GPR61: variants seen among roughly 807,000 people sequenced by gnomAD.
The protein encoded by GPR61 is G-protein coupled receptor 61.
Under a neutral mutation model 29.2 loss-of-function variants are expected in GPR61, and 15 were observed. The observed-to-expected ratio is 0.51, with a 90% CI of 0.34 to 0.79. The LOEUF (loss-of-function observed/expected upper bound fraction) is 0.79. Ranked by LOEUF, GPR61 falls within the 30% of genes least tolerant of loss-of-function variation. The probability of loss-of-function intolerance (pLI) is 0.01; values close to 1 mark genes in which losing one functional copy is unlikely to be tolerated. For missense variants in GPR61, 399 were observed against 582.5 expected, an observed-to-expected ratio of 0.69 and a Z score of 3.24; for synonymous variants, 238 against 242.3, an observed-to-expected ratio of 0.98 and a Z score of 0.17.
Position 109,543,859 on chromosome 1 carries a change from G to A in GPR61, c.837G>A (p.Thr279=), listed in dbSNP as rs143667110. ...CCCCCCAGACCACCCCACACCGGAC[G>A]TTTGGGGGAGGGAAAGCAGCAGTGG... ...SGAPQTTPHR[T]FGGGKAAVVL... The change falls in exon 2 of 2, where the codon ACG becomes ACA. Residue 279 remains threonine (T), a synonymous_variant. Transcript: ENST00000527748. The surrounding 1 kb of genome is among the most constrained non-coding windows in gnomAD (Gnocchi z 6.8). 41 of 1,613,302 alleles carry A rather than the reference G, an allele frequency of 2.5e-5. No individual in the cohort carries two copies. The highest frequency in any genetic ancestry group is 1.6e-4 in the Middle Eastern group (1 of 6,062).
Position 109,543,076 on chromosome 1 carries a change from G to C in GPR61, c.54G>C (p.Arg18Ser). 6.4e-7 allele frequency: 1 copy of C among 1,557,386 alleles called. No individual in the cohort carries two copies. The highest frequency in any genetic ancestry group is 8.7e-7 in the Non-Finnish European group (1 of 1,149,996). ...QSSGNSSTLGRVPQTPGPSTA... is the reference protein window; with the variant it reads ...QSSGNSSTLGSVPQTPGPSTA... ...CAGGGAACTCTTCCACTTTGGGGAGGGTCCCTCAAACCCCAGGTCCCTCTA... is the reference window on the plus strand; with the variant it reads ...CAGGGAACTCTTCCACTTTGGGGAGCGTCCCTCAAACCCCAGGTCCCTCTA... Residue 18 changes from arginine (R) to serine (S), a missense_variant, in exon 2 of 2, where the codon AGG (arginine) becomes AGC (serine). By Grantham distance (110) the Arg-to-Ser change is moderately radical (BLOSUM62 -1). Coordinates refer to ENST00000527748, the MANE Select transcript of GPR61 (RefSeq NM_001393907.1). The surrounding 1 kb of genome is among the most constrained non-coding windows in gnomAD (Gnocchi z 6.8).
rs763051414 is a variant in GPR61 at position 109,543,628 on chromosome 1, T to C, written c.606T>C (p.Ser202=). ...PPGCSLQWSH[S]AYCQLFVVVF... Reference sequence around the variant, plus strand: ...GCTGTTCACTCCAGTGGAGCCACAGTGCCTACTGCCAGCTTTTTGTGGTGG... The same window carrying C: ...GCTGTTCACTCCAGTGGAGCCACAGCGCCTACTGCCAGCTTTTTGTGGTGG... The change falls in exon 2 of 2, where the codon AGT becomes AGC. Residue 202 remains serine (S), a synonymous_variant. Coordinates refer to ENST00000527748, the MANE Select transcript of GPR61 (RefSeq NM_001393907.1). This position sits in a 1 kb window ranked among gnomAD's most constrained non-coding sequence, Gnocchi z 6.8. 6.2e-7 allele frequency: 1 copy of C among 1,614,136 alleles called. No individual in the cohort carries two copies.
rs1198297711 is a variant in GPR61 at position 109,545,258 on chromosome 1, G to A, written c.*880G>A. 6.6e-6 allele frequency: 1 copy of A among 152,182 alleles called. No homozygotes were observed. The highest frequency in any genetic ancestry group is 1.5e-5 in the Non-Finnish European group (1 of 68,018). The allele number at this position is 152,182 out of a possible 1,614,324, so 9.4% of individuals were successfully genotyped here. The stretch of plus-strand genomic sequence containing the variant: ...TGAATTGGTAAAGTAGCTGGAAACA[G>A]AGAGGCCAGGTAATCAGCCTGATCA... On this transcript the variant is annotated 3_prime_UTR_variant, in exon 2 of 2. Transcript: ENST00000527748.
rs930651956 is a variant in GPR61, at chr1:109,544,949, A to AC, written c.*573dup. The AC allele has an allele frequency of 6.5e-6, 1 of 152,762 alleles. No individual in the cohort carries two copies. Among genetic ancestry groups the AC allele is most frequent in the African/African-American group, 2.4e-5 (1 of 41,442 alleles). 9.5% of individuals were successfully genotyped at this position (152,762 alleles called of 1,614,324 possible). ...CCTGAGATTTCCTTAAAATGAGAGGACCAGTAGGGTGTATTCCTTTACTGA... is the reference window on the plus strand; with the variant it reads ...CCTGAGATTTCCTTAAAATGAGAGGACCCAGTAGGGTGTATTCCTTTACTGA... On this transcript the variant is annotated 3_prime_UTR_variant, in exon 2 of 2. Coordinates refer to ENST00000527748, the MANE Select transcript of GPR61 (RefSeq NM_001393907.1). This position sits in a 1 kb window ranked among gnomAD's most constrained non-coding sequence, Gnocchi z 4.6.
rs1475542959 is a variant in GPR61 at position 109,546,693 on chromosome 1, A to T, written c.*2315A>T. 1 of 152,232 alleles carries T rather than the reference A, an allele frequency of 6.6e-6. No individual in the cohort carries two copies. Among genetic ancestry groups the T allele is most frequent in the African/African-American group, 2.4e-5 (1 of 41,448 alleles). The allele number at this position is 152,232 out of a possible 1,614,324, so 9.4% of individuals were successfully genotyped here. A position where few individuals can be genotyped will look rare whatever the true frequency, so the allele number is the denominator to read the frequency against. On this transcript the variant is annotated 3_prime_UTR_variant, in exon 2 of 2. Transcript: ENST00000527748. ...TGGTGTTTATTACAGAGTTTGACAT[A>T]CATGGGTTCATTTGCCATTTATTTT...
At position 109,542,887 on chromosome 1, in the gene GPR61, C is replaced by A; in HGVS notation, c.-136C>A. ...GGCGCTCTGTACGCAGACAAACCTGCCCAAGAGGCTCCAGTGGGAGGTGCC... is the reference window on the plus strand; with the variant it reads ...GGCGCTCTGTACGCAGACAAACCTGACCAAGAGGCTCCAGTGGGAGGTGCC... On this transcript the variant is annotated 5_prime_UTR_variant, in exon 2 of 2. Coordinates refer to ENST00000527748, the MANE Select transcript of GPR61 (RefSeq NM_001393907.1). The A allele has an allele frequency of 7.9e-7, 1 of 1,261,934 alleles. No homozygotes were observed. Among genetic ancestry groups the A allele is most frequent in the Non-Finnish European group, 1.1e-6 (1 of 889,158 alleles). The allele number at this position is 1,261,934 out of a possible 1,614,324, so 78.2% of individuals were successfully genotyped here.
chr1:109,546,291 T>C lies in GPR61; in HGVS notation c.*1913T>C, dbSNP rs1432550342. ...GGAAGTTCCCTAAAAACATAGTATA[T>C]ATAGGGAGGAGAGTCCTTTGTGATT... On this transcript the variant is annotated 3_prime_UTR_variant, in exon 2 of 2. Transcript: ENST00000527748. The C allele has an allele frequency of 1.3e-5, 2 of 152,224 alleles. No individual in the cohort carries two copies. Among genetic ancestry groups the C allele is most frequent in the African/African-American group, 4.8e-5 (2 of 41,454 alleles). The allele number at this position is 152,224 out of a possible 1,614,324, so 9.4% of individuals were successfully genotyped here.
In GPR61 at chr1:109,547,059, C is replaced by T. The variant is rs1022048656; in HGVS notation, c.*2681C>T. 2.6e-5 allele frequency: 4 copies of T among 152,232 alleles called. No homozygotes were observed. Among genetic ancestry groups the T allele is most frequent in the Admixed American group, 2.6e-4 (4 of 15,282 alleles). The allele number at this position is 152,232 out of a possible 1,614,324, so 9.4% of individuals were successfully genotyped here. ...ACGGGGGCATGATAGAAAAGGGTAA[C>T]TCTGGGGTCAGATAGATGTACTTAC... On this transcript the variant is annotated 3_prime_UTR_variant, in exon 2 of 2. Transcript: ENST00000527748.
chr1:109,544,505 T>A lies in GPR61; in HGVS notation c.*127T>A. The A allele has an allele frequency of 1.5e-6, 1 of 685,490 alleles. No individual in the cohort carries two copies. Among genetic ancestry groups the A allele is most frequent in the Non-Finnish European group, 2.5e-6 (1 of 399,396 alleles). 42.5% of individuals were successfully genotyped at this position (685,490 alleles called of 1,614,324 possible). A position where few individuals can be genotyped will look rare whatever the true frequency, so the allele number is the denominator to read the frequency against. ...GGGGTCTCTGCACACAGCTTTTGCTTAGTGTTTCCTGGGTCAGGAACAGAG... is the reference window on the plus strand; with the variant it reads ...GGGGTCTCTGCACACAGCTTTTGCTAAGTGTTTCCTGGGTCAGGAACAGAG... On this transcript the variant is annotated 3_prime_UTR_variant, in exon 2 of 2. Transcript: ENST00000527748. The surrounding 1 kb of genome is among the most constrained non-coding windows in gnomAD (Gnocchi z 4.6).
Position 109,543,705 on chromosome 1 carries a change from A to G in GPR61, c.683A>G (p.Tyr228Cys). Residue 228 changes from tyrosine (Y) to cysteine (C), a missense_variant, in exon 2 of 2, where the codon TAC (tyrosine) becomes TGC (cysteine). Transcript: ENST00000527748. This position sits in a 1 kb window ranked among gnomAD's most constrained non-coding sequence, Gnocchi z 6.8. ...LLPLLLILVV[Y>C]CSMFRVARVA... ...CCCCTGCTCCTCATACTTGTGGTCT[A>G]CTGCAGCATGTTCCGAGTGGCCCGC... 6.2e-7 allele frequency: 1 copy of G among 1,613,432 alleles called. No homozygotes were observed.
chr1:109,542,319 C>T (rs889565054), intron 1 of GPR61, 103 bp from the exon 2 acceptor site: 3 of 231,008 alleles, frequency 1.3e-5, no homozygotes, highest in South Asian at 6.2e-5. Context: ...ATGTGGAAAA[C>T]GCCGTATCAA....
intron 1 of GPR61, among the ~76,000 whole-genome samples, chr1:109,540,230 A>G (rs1647593319): frequency 6.6e-6 from 1 of 152,116 alleles, no homozygotes; most frequent in African/African-American, 2.4e-5. Context: ...GCTCCATGTC[A>G]TGGACATGGG....
In GPR61 at chr1:109,544,087, G is replaced by A; in HGVS notation, c.1065G>A (p.Gln355=). 6.2e-7 allele frequency: 1 copy of A among 1,614,184 alleles called. No individual in the cohort carries two copies. Among genetic ancestry groups the A allele is most frequent in the Non-Finnish European group, 8.5e-7 (1 of 1,180,032 alleles). ...NRQIRGELSK[Q]FVCFFKPAPE... ...AGATCCGGGGGGAGCTCAGCAAGCAGTTTGTCTGCTTCTTCAAGCCAGCTC... is the reference window on the plus strand; with the variant it reads ...AGATCCGGGGGGAGCTCAGCAAGCAATTTGTCTGCTTCTTCAAGCCAGCTC... The change falls in exon 2 of 2, where the codon CAG becomes CAA. Residue 355 remains glutamine, a synonymous_variant. Transcript: ENST00000527748. This position sits in a 1 kb window ranked among gnomAD's most constrained non-coding sequence, Gnocchi z 4.6.
rs1190769739 is a variant in GPR61 at position 109,542,772 on chromosome 1, C to G, written c.-251C>G. 1 of 681,054 alleles carries G rather than the reference C, an allele frequency of 1.5e-6. No homozygotes were observed. The highest frequency in any genetic ancestry group is 2.8e-5 in the East Asian group (1 of 35,156). The allele number at this position is 681,054 out of a possible 1,614,324, so 42.2% of individuals were successfully genotyped here. On this transcript the variant is annotated 5_prime_UTR_variant, in exon 2 of 2. Coordinates refer to ENST00000527748, the MANE Select transcript of GPR61 (RefSeq NM_001393907.1). The stretch of plus-strand genomic sequence containing the variant: ...GGTCAGGCTCCTGCACCTCTCACGT[C>G]TCCTGCTTCTTAGCAGTCACCAAGG...
chr1:109,544,703 G>T lies in GPR61; in HGVS notation c.*325G>T. Reference sequence around the variant, plus strand: ...TCCAGAAGCAGGGAATTCTCTAAGGGTAGGAGTTGGAGGATACAGGGCAGC... The same window carrying T: ...TCCAGAAGCAGGGAATTCTCTAAGGTTAGGAGTTGGAGGATACAGGGCAGC... On this transcript the variant is annotated 3_prime_UTR_variant, in exon 2 of 2. Transcript: ENST00000527748. This position sits in a 1 kb window ranked among gnomAD's most constrained non-coding sequence, Gnocchi z 4.6. 6.0e-6 allele frequency: 2 copies of T among 332,788 alleles called. No individual in the cohort carries two copies. Among genetic ancestry groups the T allele is most frequent in the South Asian group, 6.8e-5 (1 of 14,798 alleles). The allele number at this position is 332,788 out of a possible 1,614,324, so 20.6% of individuals were successfully genotyped here. A position where few individuals can be genotyped will look rare whatever the true frequency, so the allele number is the denominator to read the frequency against.
rs780027839 is a variant in GPR61, at chr1:109,544,139, C to A, written c.1117C>A (p.Arg373=). ...AGAGGAGGAGCTGAGGCTGCCTAGC[C>A]GGGAGGGCTCCATTGAGGAGAACTT... ...APEEELRLPS[R]EGSIEENFLQ... Residue 373 remains arginine, a synonymous_variant, in exon 2 of 2, where the codon CGG becomes AGG. Transcript: ENST00000527748. The surrounding 1 kb of genome is among the most constrained non-coding windows in gnomAD (Gnocchi z 4.6). 6.2e-7 allele frequency: 1 copy of A among 1,614,142 alleles called. No homozygotes were observed.
chr1:109,543,217 C>T lies in GPR61; in HGVS notation c.195C>T (p.Ala65=), dbSNP rs746868942. Residue 65 remains alanine, a synonymous_variant, in exon 2 of 2, where the codon GCC becomes GCT. Coordinates refer to ENST00000527748, the MANE Select transcript of GPR61 (RefSeq NM_001393907.1). The surrounding 1 kb of genome is among the most constrained non-coding windows in gnomAD (Gnocchi z 6.8). ...TAVAGNAAVM[A]VIAKTPALRK... ...TGGCTGGCAATGCCGCTGTGATGGCCGTGATCGCCAAGACGCCTGCCCTCC... is the reference window on the plus strand; with the variant it reads ...TGGCTGGCAATGCCGCTGTGATGGCTGTGATCGCCAAGACGCCTGCCCTCC... The T allele has an allele frequency of 1.3e-4, 202 of 1,613,988 alleles. No individual in the cohort carries two copies. Among genetic ancestry groups the T allele is most frequent in the Non-Finnish European group, 1.9e-5 (23 of 1,180,014 alleles).
In GPR61 at chr1:109,544,235, C is replaced by G. The variant is rs1376626889; in HGVS notation, c.1213C>G (p.Gln405Glu). ...WVSRPLPSPK[Q>E]EPPAVDFRIP... ...TTCCCGACCCCTACCCAGCCCCAAG[C>G]AGGAGCCACCTGCTGTTGACTTTCG... The change falls in exon 2 of 2, where the codon CAG becomes GAG. Residue 405 changes from glutamine to glutamate, a missense_variant. This residue lies in a region of GPR61 where 320 missense variants were observed against 459.8 expected (regional missense o/e 0.70). Transcript: ENST00000527748. The surrounding 1 kb of genome is among the most constrained non-coding windows in gnomAD (Gnocchi z 4.6). 1 of 1,613,978 alleles carries G rather than the reference C, an allele frequency of 6.2e-7. No individual in the cohort carries two copies. The highest frequency in any genetic ancestry group is 1.3e-5 in the African/African-American group (1 of 74,928).
Position 109,544,360 on chromosome 1 carries a change from A to C in GPR61, c.1338A>C (p.Ser446=). The C allele has an allele frequency of 6.2e-7, 1 of 1,611,546 alleles. No individual in the cohort carries two copies. Among genetic ancestry groups the C allele is most frequent in the Non-Finnish European group, 8.5e-7 (1 of 1,178,778 alleles). The stretch of plus-strand genomic sequence containing the variant: ...ACAGCTACCTCCGTCCTGCCGCCTC[A>C]CCCCGGCTGGAGTCATGATGGGCCG... ...MSDSYLRPAA[S]PRLES The change falls in exon 2 of 2, where the codon TCA becomes TCC. Residue 446 remains serine (S), a synonymous_variant. Coordinates refer to ENST00000527748, the MANE Select transcript of GPR61 (RefSeq NM_001393907.1). The surrounding 1 kb of genome is among the most constrained non-coding windows in gnomAD (Gnocchi z 4.6).
Sources: gnomAD v4.1 joint callset for allele counts (sites outside exome capture counted in the v4.1 genomes callset) on GRCh38, gnomAD v4.1.1 for gene constraint, gnomAD v4.1.1 regional missense constraint, Gnocchi (gnomAD v3.1) non-coding constraint, MANE v1.5 for transcripts, NCBI Gene and HGNC (gene_info 2026-07-23, HGNC 2026-07-21) for gene names.